Variants in CHMP7 observed in about 807,000 individuals in gnomAD.
CHMP7 encodes charged multivesicular body protein 7.
A neutral mutation model predicts 53.7 loss-of-function variants in CHMP7; 15 were observed. That is an observed-to-expected ratio of 0.28 (90% confidence interval 0.19 to 0.43). CHMP7 has a LOEUF of 0.43. CHMP7 is among the 20% of genes least tolerant of loss of function. The probability of loss-of-function intolerance (pLI) is 1.00; values close to 1 mark genes in which losing one functional copy is unlikely to be tolerated. For synonymous variants in CHMP7, 261 were observed against 228.0 expected, an observed-to-expected ratio of 1.14 and a Z score of -1.30; for missense variants, 527 against 569.4, an observed-to-expected ratio of 0.93 and a Z score of 0.76.
rs1801828749 is a variant in CHMP7, at chr8:23,249,285, C to T, written c.375C>T (p.Val125=). 4 of 1,613,182 alleles carry T rather than the reference C, an allele frequency of 2.5e-6. No homozygotes were observed. Among genetic ancestry groups the T allele is most frequent in the African/African-American group, 2.7e-5 (2 of 74,842 alleles). The stretch of plus-strand genomic sequence containing the variant: ...GCTGGATCTCCTGGGGGGTTGGGGT[C>T]TTCCTGCTGAAGCCTCTCAAGTGGA... ...DSSWISWGVG[V]FLLKPLKWTL... Residue 125 remains valine (V), a synonymous_variant, in exon 3 of 11, where the codon GTC becomes GTT. Transcript: ENST00000397677.
At position 23,260,982 on chromosome 8, in the gene CHMP7, C is replaced by T. The variant is rs568057094; in HGVS notation, c.*383C>T. On this transcript the variant is annotated 3_prime_UTR_variant, in exon 11 of 11. Coordinates refer to ENST00000397677, the MANE Select transcript of CHMP7 (RefSeq NM_152272.5). ...TGCCAAATCTGAATCAGTTCCCACT[C>T]CCCCCTGCGGTTTTTTAGAGGGGTT... 105 of 205,464 alleles carry T rather than the reference C, an allele frequency of 5.1e-4. No individual in the cohort carries two copies. Among genetic ancestry groups the T allele is most frequent in the South Asian group, 3.2e-3 (41 of 12,782 alleles). The allele number at this position is 205,464 out of a possible 1,614,324, so 12.7% of individuals were successfully genotyped here.
At position 23,260,313 on chromosome 8, in the gene CHMP7, A is replaced by T; in HGVS notation, c.1290A>T (p.Leu430Phe). The T allele has an allele frequency of 1.2e-6, 2 of 1,614,144 alleles. No homozygotes were observed. Among genetic ancestry groups the T allele is most frequent in the Non-Finnish European group, 1.7e-6 (2 of 1,180,018 alleles). ...ELEAELEKLS[L>F]SEGGLVPSSK... ...AAGCTGAACTTGAGAAACTGTCCTT[A>T]TCAGAGGGAGGTATGGAGCTGTTTT... Residue 430 changes from leucine (L) to phenylalanine (F), a missense_variant, in exon 10 of 11, where the codon TTA becomes TTT. Physicochemically the swap from Leu to Phe is conservative, Grantham distance 22. Coordinates refer to ENST00000397677, the MANE Select transcript of CHMP7 (RefSeq NM_152272.5).
chr8:23,254,732 G>T (rs1404972295), intron 3 of CHMP7: 1 of 192,218 alleles, frequency 5.2e-6, no homozygotes, highest in African/African-American at 2.3e-5. Flanking sequence ...TTTTTACAGA[G>T]TCAATAATGT....
intron 3 of CHMP7, among the ~76,000 whole-genome samples, chr8:23,253,665 A>T (rs554164477): frequency 2.0e-5 from 3 of 152,182 alleles, no homozygotes; most frequent in East Asian, 1.9e-4. Flanking sequence ...TTCCTCCTGA[A>T]TTTTTTCCTA....
At chr8:23,249,110 T>C (rs994290313) in intron 2 of CHMP7, 100 bp from the exon 3 acceptor site, 1 of 1,010,602 alleles carries the variant, frequency 9.9e-7, no homozygotes, top group Middle Eastern at 3.4e-4. Flanking sequence ...GTCGTGATGA[T>C]AATGATAAAA....
intron 9 of CHMP7, among the ~76,000 whole-genome samples, chr8:23,259,464 GAT>G (rs1381672143): frequency 2.0e-5 from 3 of 151,200 alleles, no homozygotes; most frequent in Non-Finnish European, 3.0e-5. Flanking sequence ...GGGTTCAAGT[GAT>G]TCTCCTGCCT....
At chr8:23,255,038 C>T in intron 3 of CHMP7, 1 of 599,302 alleles carries the variant, frequency 1.7e-6, no homozygotes, top group East Asian at 2.8e-5. Context: ...TCTCATGTGC[C>T]TCATTTCATG....
rs188868055 is a variant in CHMP7, at chr8:23,260,919, C to G, written c.*320C>G. Reference sequence around the variant, plus strand: ...ACTTAGATTTGTCTTCACCCACCAGCTTCGTTCCAGCCCATGAAGGGGAAA... The same window carrying G: ...ACTTAGATTTGTCTTCACCCACCAGGTTCGTTCCAGCCCATGAAGGGGAAA... On this transcript the variant is annotated 3_prime_UTR_variant, in exon 11 of 11. Transcript: ENST00000397677. 7.9e-6 allele frequency: 3 copies of G among 380,148 alleles called. No individual in the cohort carries two copies. In the East Asian group the frequency reaches 1.4e-4, roughly 18 times the overall value. The allele number at this position is 380,148 out of a possible 1,614,324, so 23.5% of individuals were successfully genotyped here.
intron 2 of CHMP7, among the ~76,000 whole-genome samples, chr8:23,247,279 C>T (rs200570113): frequency 2.0e-5 from 3 of 152,202 alleles, no homozygotes; most frequent in East Asian, 3.8e-4. Context: ...CAGTAATTTG[C>T]CTGGACTGGG....
chr8:23,243,953 A>G (rs1801604962), intron 1 of CHMP7, 109 bp downstream of exon 1: 1 of 151,752 alleles, frequency 6.6e-6, no homozygotes, highest in Admixed American at 6.6e-5. Context: ...CTTTGGTGAG[A>G]GGTCTGCTCA....
chr8:23,258,977 T>C, intron 8 of CHMP7, 89 bp from the exon 9 acceptor site: 2 of 1,077,298 alleles, frequency 1.9e-6, no homozygotes, highest in Non-Finnish European at 1.4e-6. Context: ...GGGGCAGGAT[T>C]GCTTTGTAAC....
Position 23,246,968 on chromosome 8 carries a change from G to C in CHMP7, c.273G>C (p.Leu91=). 6.5e-7 allele frequency: 1 copy of C among 1,543,058 alleles called. No homozygotes were observed. The change falls in exon 2 of 11, where the codon CTG becomes CTC. Residue 91 remains leucine, a synonymous_variant. Coordinates refer to ENST00000397677, the MANE Select transcript of CHMP7 (RefSeq NM_152272.5). ...GCAAGGGGAGCGTCCCGCTGGGGCT[G>C]GCCACGGTGCTGCAGGACCTGCTGC... is the stretch of plus-strand genomic sequence containing the variant. ...FQRKGSVPLG[L]ATVLQDLLRR...
At chr8:23,249,138 AGGG>A in intron 2 of CHMP7, 69 bp from the exon 3 acceptor site, 1 of 1,310,776 alleles carries the variant, frequency 7.6e-7, no homozygotes, top group Non-Finnish European at 1.0e-6. Context: ...TTTAGGGTAA[AGGG>A]GGAGCTAGAG....
chr8:23,247,606 T>C (rs1158009017), intron 2 of CHMP7, among the ~76,000 whole-genome samples: 2 of 152,156 alleles, frequency 1.3e-5, no homozygotes, highest in East Asian at 1.9e-4. Flanking sequence ...GAGGGTAACA[T>C]TGATAACTAA....
intron 10 of CHMP7, 105 bp downstream of exon 10, chr8:23,260,428 T>G: frequency 6.6e-7 from 1 of 1,518,462 alleles, no homozygotes. Flanking sequence ...ACCAGAGCCC[T>G]GTAGGGAGTT....
chr8:23,258,501 G>T, intron 7 of CHMP7, 52 bp downstream of exon 7: 1 of 1,605,302 alleles, frequency 6.2e-7, no homozygotes, highest in Non-Finnish European at 8.5e-7. Context: ...GTGTGTGTTG[G>T]TCACTTGCAG....
At chr8:23,254,488 A>G (rs781328098) in intron 3 of CHMP7, among the ~76,000 whole-genome samples, 60 of 151,716 alleles carry the variant, frequency 4.0e-4, no homozygotes, top group Non-Finnish European at 6.9e-4. Flanking sequence ...TCCGCCTCCC[A>G]GGTTCAAGTG....
At chr8:23,248,992 G>A (rs548912434) in intron 2 of CHMP7, among the ~76,000 whole-genome samples, 10 of 152,258 alleles carry the variant, frequency 6.6e-5, no homozygotes, top group African/African-American at 2.2e-4. Flanking sequence ...TTTCTCATTC[G>A]TTAAAATGCT....
chr8:23,258,179 G>A, intron 6 of CHMP7, 98 bp downstream of exon 6: 1 of 1,431,350 alleles, frequency 7.0e-7, no homozygotes, highest in African/African-American at 1.4e-5. Context: ...TTTTGAGGGG[G>A]GTAGAGTCTG....
Sources: allele counts gnomAD v4.1 joint callset (sites outside exome capture counted in the v4.1 genomes callset), GRCh38; gene constraint gnomAD v4.1.1; transcripts MANE v1.5; gene names NCBI Gene and HGNC (gene_info 2026-07-23, HGNC 2026-07-21).